Variants in ADCY9 observed in about 807,000 individuals in gnomAD.
The protein encoded by ADCY9 is adenylate cyclase type 9.
ADCY9 carries 50 observed loss-of-function variants against 101.5 expected under a neutral mutation model. The ratio of observed to expected loss-of-function variants is 0.49; its 90% CI spans 0.39 to 0.62. The LOEUF (loss-of-function observed/expected upper bound fraction) is 0.62. Ranked by LOEUF, ADCY9 falls within the 20% of genes least tolerant of loss-of-function variation. ADCY9 has a pLI of 0.00. For missense variants in ADCY9, 1,662 were observed against 1,800.4 expected (o/e 0.92, Z 1.39); for synonymous variants, 905 against 769.3 (o/e 1.18, Z -2.92).
intron 2 of ADCY9, among the ~76,000 whole-genome samples, chr16:4,085,176 A>C (rs1039430333): frequency 1.3e-5 from 2 of 152,154 alleles, no homozygotes; most frequent in Admixed American, 1.3e-4. Context: ...AGCCTGGCCA[A>C]CATGGCCAAA....
chr16:3,966,163 T>A lies in ADCY9; in HGVS notation c.3674A>T (p.Tyr1225Phe). 1 of 1,614,218 alleles carries A rather than the reference T, an allele frequency of 6.2e-7. No individual in the cohort carries two copies. Among genetic ancestry groups the A allele is most frequent in the South Asian group, 1.1e-5 (1 of 91,088 alleles). ...CCCCTTGACATTCACGGTCCCTCTGTAGTCGAAGTCATAGCCCATCTTGCT... is the reference window on the plus strand; with the variant it reads ...CCCCTTGACATTCACGGTCCCTCTGAAGTCGAAGTCATAGCCCATCTTGCT... ...VLSKMGYDFD[Y>F]RGTVNVKGKG... Residue 1225 changes from tyrosine (Y) to phenylalanine (F), a missense_variant, in exon 11 of 11, where the codon TAC becomes TTC. Tyr to Phe is a conservative substitution (Grantham distance 22). Coordinates refer to ENST00000294016, the MANE Select transcript of ADCY9 (RefSeq NM_001116.4).
At chr16:4,017,552 G>A (rs1456237617) in intron 2 of ADCY9, among the ~76,000 whole-genome samples, 1 of 151,230 alleles carries the variant, frequency 6.6e-6, no homozygotes, top group Non-Finnish European at 1.5e-5. Flanking sequence ...GCTGAGGCAG[G>A]AGGATCACTT....
At chr16:4,003,563 CTTTTTTTT>C (rs34344577) in intron 3 of ADCY9, among the ~76,000 whole-genome samples, 3 of 124,486 alleles carry the variant, frequency 2.4e-5, no homozygotes, top group Non-Finnish European at 3.4e-5. Flanking sequence ...TCTTTCTTTT[CTTTTTTTT>C]TTTTTTTTTT....
intron 2 of ADCY9, among the ~76,000 whole-genome samples, chr16:4,013,907 T>C (rs1304265362): frequency 1.3e-5 from 2 of 152,232 alleles, no homozygotes; most frequent in Non-Finnish European, 2.9e-5. Context: ...TCCTTCCTAC[T>C]CATATGCACC....
chr16:3,972,491 C>T (rs2056061230), intron 10 of ADCY9, among the ~76,000 whole-genome samples: 1 of 152,124 alleles, frequency 6.6e-6, no homozygotes, highest in African/African-American at 2.4e-5. Flanking sequence ...CCTCAGCCTC[C>T]CAAAGTGTTG....
At position 4,097,453 on chromosome 16, in the gene ADCY9, C is replaced by CATATATAT. The variant is rs71394653; in HGVS notation, c.1693+16289_1693+16296dup. Reference sequence around the variant, plus strand: ...AACAGGGTACTCACATGTGGAGTTACATATATATATATATATATATATATA... The same window carrying CATATATAT: ...AACAGGGTACTCACATGTGGAGTTACATATATATATATATATATATATATATATATATA... On this transcript the variant is annotated intron_variant, in intron 2 of 10. Transcript: ENST00000294016. 3.1e-3 allele frequency among the ~76,000 whole-genome samples: 222 copies of CATATATAT among 70,962 alleles called. 3 individuals carry two copies. The highest frequency in any genetic ancestry group is 5.8e-3 in the South Asian group (12 of 2,072). 46.6% of individuals were successfully genotyped at this position (70,962 alleles called of 152,430 possible).
chr16:4,075,281 G>C (rs2056859860), intron 2 of ADCY9, among the ~76,000 whole-genome samples: 2 of 152,228 alleles, frequency 1.3e-5, no homozygotes, highest in African/African-American at 4.8e-5. Context: ...TGGGATTACA[G>C]GCATGTGCCA....
At chr16:3,956,488 CT>C (rs1555504577) in intron 5 of ADCY9, among the ~76,000 whole-genome samples, 728 of 68,826 alleles carry the variant, frequency 0.011, 44 homozygotes, top group Middle Eastern at 0.078. Context: ...GCGCAATGAG[CT>C]TTTTTTTTTT....
At chr16:4,059,373 T>A (rs1597200139) in intron 2 of ADCY9, among the ~76,000 whole-genome samples, 2 of 75,706 alleles carry the variant, frequency 2.6e-5, no homozygotes, top group Non-Finnish European at 2.4e-5. Flanking sequence ...ACAGCGAGAA[T>A]CCATCGAAAA....
At chr16:4,045,684 G>T (rs2056658190) in intron 2 of ADCY9, among the ~76,000 whole-genome samples, 1 of 149,900 alleles carries the variant, frequency 6.7e-6, no homozygotes, top group African/African-American at 2.5e-5. Flanking sequence ...GTCTCAGGCA[G>T]TAACTAGCTT....
intron 2 of ADCY9, among the ~76,000 whole-genome samples, chr16:4,028,125 G>A (rs1219702810): frequency 6.6e-6 from 1 of 152,130 alleles, no homozygotes; most frequent in Admixed American, 6.6e-5. Context: ...TATCCTGATT[G>A]TACTGGTGGC....
chr16:4,072,207 T>C (rs1021837395), intron 2 of ADCY9, among the ~76,000 whole-genome samples: 11 of 152,138 alleles, frequency 7.2e-5, no homozygotes, highest in African/African-American at 1.4e-4. Context: ...TCAGGGACCA[T>C]GAAGGAAGAA....
At chr16:4,014,824 A>G (rs1176931657) in intron 2 of ADCY9, among the ~76,000 whole-genome samples, 2 of 151,824 alleles carry the variant, frequency 1.3e-5, no homozygotes, top group South Asian at 2.1e-4. Flanking sequence ...GCTTCTAAAC[A>G]GGTACCTTCT....
chr16:4,061,716 G>A (rs1370473185), intron 2 of ADCY9, among the ~76,000 whole-genome samples: 1 of 151,202 alleles, frequency 6.6e-6, no homozygotes, highest in Non-Finnish European at 1.5e-5. Context: ...AATACTAAAG[G>A]AAGCCCTTCA....
intron 2 of ADCY9, among the ~76,000 whole-genome samples, chr16:4,089,903 G>C (rs1809018200): frequency 6.6e-6 from 1 of 152,002 alleles, no homozygotes; most frequent in East Asian, 1.9e-4. Context: ...TTGTTCCCTG[G>C]AAAAGCCAAC....
chr16:4,090,033 C>T (rs2141188077), intron 2 of ADCY9, among the ~76,000 whole-genome samples: 1 of 152,252 alleles, frequency 6.6e-6, no homozygotes, highest in Non-Finnish European at 1.5e-5. Context: ...TGGCAGGCAT[C>T]CCCGGCAGCC....
intron 3 of ADCY9, among the ~76,000 whole-genome samples, chr16:4,005,539 T>C (rs1264796696): frequency 1.3e-5 from 2 of 152,212 alleles, no homozygotes; most frequent in East Asian, 1.9e-4. Flanking sequence ...TTCTGTCAAC[T>C]TGATAGATCA....
rs184370412 is a variant in ADCY9 at position 3,992,094 on chromosome 16, G to A, written c.2207+52C>T. On this transcript the variant is annotated intron_variant, in intron 5 of 10. Coordinates refer to ENST00000294016, the MANE Select transcript of ADCY9 (RefSeq NM_001116.4). This position sits in a 1 kb window ranked among gnomAD's most constrained non-coding sequence, Gnocchi z 4.2. ...TTAAAGAAAAGAAAAGAAAAAGGCA[G>A]AGAGGCTTCTGCCTGCAACCTTTGC... The A allele has an allele frequency of 7.7e-6, 12 of 1,565,800 alleles. No homozygotes were observed. The African/African-American group carries it at 1.6e-4, about 21-fold the overall frequency.
At chr16:4,073,043 G>C (rs1235156978) in intron 2 of ADCY9, among the ~76,000 whole-genome samples, 1 of 145,664 alleles carries the variant, frequency 6.9e-6, no homozygotes. Flanking sequence ...AGAAAAAACC[G>C]ACTCTTAAAA....
Sources: gnomAD v4.1 joint callset for allele counts (sites outside exome capture counted in the v4.1 genomes callset) on GRCh38, gnomAD v4.1.1 for gene constraint, Gnocchi (gnomAD v3.1) non-coding constraint, MANE v1.5 for transcripts, NCBI Gene and HGNC (gene_info 2026-07-23, HGNC 2026-07-21) for gene names.